ACOXL: variants seen among roughly 807,000 people sequenced by gnomAD.
ACOXL encodes the protein acyl-coenzyme A oxidase-like protein.
ACOXL carries 70 observed loss-of-function variants against 71.9 expected under a neutral mutation model. The observed-to-expected ratio is 0.97, with a 90% CI of 0.80 to 1.19. The LOEUF (loss-of-function observed/expected upper bound fraction) is 1.19, where lower values mean the gene tolerates loss of function less well. Among genes scored for constraint, ACOXL ranks in the 50% most tolerant of loss-of-function variants. ACOXL has a pLI of 0.00. For synonymous variants in ACOXL, 253 were observed against 281.6 expected (o/e 0.90, Z 1.02); for missense variants, 703 against 736.3 (o/e 0.95, Z 0.52).
At chr2:110,981,447 G>T (rs1199749320) in intron 12 of ACOXL, among the ~76,000 whole-genome samples, 1 of 152,200 alleles carries the variant, frequency 6.6e-6, no homozygotes, top group African/African-American at 2.4e-5. Flanking sequence ...GGCCTTGGTT[G>T]TATTATTGGA....
intron 10 of ACOXL, among the ~76,000 whole-genome samples, chr2:110,891,889 T>G (rs1028109315): frequency 6.6e-6 from 1 of 152,010 alleles, no homozygotes; most frequent in African/African-American, 2.4e-5. Flanking sequence ...TGGTCCAGCT[T>G]CCACTTGCCT....
intron 9 of ACOXL, among the ~76,000 whole-genome samples, chr2:110,810,736 A>C (rs1687222622): frequency 6.6e-6 from 1 of 152,222 alleles, no homozygotes; most frequent in South Asian, 2.1e-4. Context: ...TAATCAGCTC[A>C]TGTATAATTT....
At chr2:110,771,262 C>T (rs577279178) in intron 2 of ACOXL, among the ~76,000 whole-genome samples, 23 of 152,214 alleles carry the variant, frequency 1.5e-4, no homozygotes, top group Non-Finnish European at 3.2e-4. Context: ...AAATTCCGCC[C>T]TGTAAACAGC....
At chr2:110,920,729 A>T (rs1158167525) in intron 11 of ACOXL, among the ~76,000 whole-genome samples, 3 of 152,056 alleles carry the variant, frequency 2.0e-5, no homozygotes, top group Non-Finnish European at 4.4e-5. Flanking sequence ...TACAAAAAAG[A>T]TAGATGATGT....
intron 16 of ACOXL, among the ~76,000 whole-genome samples, chr2:111,066,446 T>C (rs2067077084): frequency 6.6e-6 from 1 of 152,132 alleles, no homozygotes; most frequent in South Asian, 2.1e-4. Context: ...ACCTGTGTGG[T>C]GATGGAGATG....
intron 3 of ACOXL, among the ~76,000 whole-genome samples, chr2:110,790,804 A>G (rs1274613783): frequency 6.6e-6 from 1 of 151,914 alleles, no homozygotes; most frequent in African/African-American, 2.4e-5. Flanking sequence ...TAAGGAGTCC[A>G]TACCCTCCTC....
chr2:111,048,223 A>T (rs1574599050), intron 15 of ACOXL, among the ~76,000 whole-genome samples: 1 of 152,070 alleles, frequency 6.6e-6, no homozygotes, highest in African/African-American at 2.4e-5. Context: ...TATTGGCTGG[A>T]TGGGTGGGCT....
intron 7 of ACOXL, among the ~76,000 whole-genome samples, chr2:110,800,361 G>A (rs1288913488): frequency 1.3e-5 from 2 of 152,192 alleles, no homozygotes; most frequent in East Asian, 3.8e-4. Flanking sequence ...GTTCATGCCT[G>A]TCTCCAAATT....
intron 3 of ACOXL, among the ~76,000 whole-genome samples, chr2:110,786,272 G>C (rs1238565613): frequency 1.3e-5 from 2 of 152,296 alleles, no homozygotes; most frequent in East Asian, 3.9e-4. Flanking sequence ...AGTCCAATAT[G>C]GTGGTGATTT....
At chr2:110,988,283 A>G (rs536224535) in intron 13 of ACOXL, among the ~76,000 whole-genome samples, 23 of 152,160 alleles carry the variant, frequency 1.5e-4, no homozygotes, top group Non-Finnish European at 8.8e-5. Flanking sequence ...TACAAAAATA[A>G]TACAAAAATT....
chr2:111,064,232 C>T (rs1171449589), intron 16 of ACOXL, among the ~76,000 whole-genome samples: 2 of 152,032 alleles, frequency 1.3e-5, no homozygotes, highest in African/African-American at 2.4e-5. Context: ...GTCAGGAGAT[C>T]GAGACCATCC....
chr2:110,901,035 C>T (rs1478331825), intron 10 of ACOXL, among the ~76,000 whole-genome samples: 2 of 152,230 alleles, frequency 1.3e-5, no homozygotes, highest in East Asian at 3.8e-4. Context: ...TACGGATCTG[C>T]AGCCTGCTCC....
intron 10 of ACOXL, among the ~76,000 whole-genome samples, chr2:110,848,216 A>G (rs1446050405): frequency 6.6e-6 from 1 of 152,222 alleles, no homozygotes. Flanking sequence ...TGTAAAAATA[A>G]ACAAAAATGC....
intron 16 of ACOXL, among the ~76,000 whole-genome samples, chr2:111,083,263 G>A (rs776521017): frequency 3.2e-4 from 48 of 152,236 alleles, no homozygotes; most frequent in Non-Finnish European, 6.0e-4. Context: ...GTGTAAAAAG[G>A]GGGCTGTGTC....
chr2:110,812,581 G>A (rs1352491017), intron 9 of ACOXL, among the ~76,000 whole-genome samples: 1 of 152,174 alleles, frequency 6.6e-6, no homozygotes, highest in African/African-American at 2.4e-5. Context: ...TTCTGTTTCT[G>A]TGTTAGTTTG....
At chr2:110,950,912 G>T (rs2061310762) in intron 12 of ACOXL, among the ~76,000 whole-genome samples, 4 of 151,322 alleles carry the variant, frequency 2.6e-5, no homozygotes, top group East Asian at 1.9e-4. Context: ...GTGCTAGAGG[G>T]TCTCTCTCTC....
At chr2:111,052,625 TA>T (rs1463648573) in intron 16 of ACOXL, among the ~76,000 whole-genome samples, 1 of 152,210 alleles carries the variant, frequency 6.6e-6, no homozygotes, top group Non-Finnish European at 1.5e-5. Flanking sequence ...TTAGATTCCA[TA>T]AATTACTCAT....
intron 1 of ACOXL, among the ~76,000 whole-genome samples, chr2:110,767,382 C>T (rs185582630): frequency 8.9e-4 from 135 of 152,280 alleles, no homozygotes; most frequent in Admixed American, 5.8e-3. Context: ...GCAGTCAGGT[C>T]TGGCTTCCTT....
intron 10 of ACOXL, chr2:110,886,639 A>C (rs1697334237): frequency 3.6e-6 from 4 of 1,116,042 alleles, no homozygotes; most frequent in Non-Finnish European, 5.1e-6. Flanking sequence ...TCGGCTTCTC[A>C]AAATGCTGGG....
Sources: allele counts gnomAD v4.1 joint callset (sites outside exome capture counted in the v4.1 genomes callset), GRCh38; gene constraint gnomAD v4.1.1; transcripts MANE v1.5; gene names NCBI Gene and HGNC (gene_info 2026-07-23, HGNC 2026-07-21).